The following SLC24A2 variants were observed in gnomAD, a reference collection of about 807,000 sequenced individuals.
The protein encoded by SLC24A2 is sodium/potassium/calcium exchanger 2.
SLC24A2 carries 36 observed loss-of-function variants against 62.0 expected under a neutral mutation model. The ratio of observed to expected loss-of-function variants is 0.58; its 90% CI spans 0.44 to 0.77. The LOEUF is 0.77. Among genes scored for constraint, SLC24A2 ranks in the 30% least tolerant of loss-of-function variants. The pLI is 0.00. For missense variants in SLC24A2, 846 were observed against 817.9 expected (o/e 1.03, Z -0.42); for synonymous variants, 358 against 294.0 (o/e 1.22, Z -2.23).
At chr9:20,137,070 G>C in the SLC24A2 span, among the ~76,000 whole-genome samples, 1 of 152,082 alleles carries the variant, frequency 6.6e-6, no homozygotes, top group Non-Finnish European at 1.5e-5. Context: ...TGGATGTGAG[G>C]CACATAGTAA....
At chr9:19,894,358 T>TC in the SLC24A2 span, among the ~76,000 whole-genome samples, 1 of 152,220 alleles carries the variant, frequency 6.6e-6, no homozygotes, top group Non-Finnish European at 1.5e-5. Flanking sequence ...CTTAGATATT[T>TC]CCTCGATTTT....
the SLC24A2 span, among the ~76,000 whole-genome samples, chr9:20,026,716 A>T: frequency 6.6e-5 from 10 of 152,210 alleles, no homozygotes; most frequent in Non-Finnish European, 1.2e-4. Flanking sequence ...TGAAACTATG[A>T]AACTATTAGA....
At chr9:19,652,997 C>A (rs973014491) in intron 2 of SLC24A2, among the ~76,000 whole-genome samples, 4 of 152,132 alleles carry the variant, frequency 2.6e-5, no homozygotes, top group African/African-American at 7.2e-5. Context: ...CAACCCTTCC[C>A]ATAGGGCATC....
the SLC24A2 span, among the ~76,000 whole-genome samples, chr9:19,810,757 A>C: frequency 6.6e-6 from 1 of 152,230 alleles, no homozygotes; most frequent in South Asian, 2.1e-4. Context: ...TTATCATAAT[A>C]ATTTTAAAAA....
chr9:19,797,793 T>C, the SLC24A2 span, among the ~76,000 whole-genome samples: 3 of 152,194 alleles, frequency 2.0e-5, no homozygotes, highest in South Asian at 2.1e-4. Context: ...CTACAGAGAA[T>C]CAACCTCCCC....
intron 4 of SLC24A2, among the ~76,000 whole-genome samples, chr9:19,606,199 T>G (rs1347451712): frequency 6.6e-6 from 1 of 152,162 alleles, no homozygotes; most frequent in Non-Finnish European, 1.5e-5. Context: ...TGGAAATGTG[T>G]TGCATGAAAA....
At chr9:19,525,227 A>AATATC (rs1192907627) in intron 9 of SLC24A2, among the ~76,000 whole-genome samples, 1 of 151,998 alleles carries the variant, frequency 6.6e-6, no homozygotes, top group Non-Finnish European at 1.5e-5. Flanking sequence ...AATAATATAA[A>AATATC]ATATCATGTA....
chr9:19,829,638 G>T, the SLC24A2 span, among the ~76,000 whole-genome samples: 1 of 151,736 alleles, frequency 6.6e-6, no homozygotes, highest in South Asian at 2.1e-4. Flanking sequence ...GGCTGTGGTG[G>T]GAAGATCACT....
At chr9:19,677,911 T>C (rs920359634) in intron 2 of SLC24A2, among the ~76,000 whole-genome samples, 1 of 151,734 alleles carries the variant, frequency 6.6e-6, no homozygotes, top group African/African-American at 2.4e-5. Context: ...ATATAAAATA[T>C]AAACACACAC....
intron 2 of SLC24A2, among the ~76,000 whole-genome samples, chr9:19,630,515 G>T (rs979300782): frequency 6.6e-6 from 1 of 152,002 alleles, no homozygotes; most frequent in Non-Finnish European, 1.5e-5. Flanking sequence ...ATTTTTATAC[G>T]TATAACTTTT....
At chr9:19,969,670 A>T in the SLC24A2 span, among the ~76,000 whole-genome samples, 3 of 152,214 alleles carry the variant, frequency 2.0e-5, no homozygotes, top group Non-Finnish European at 4.4e-5. Flanking sequence ...ACCAAGAAGC[A>T]AGGCGGTAGA....
At chr9:20,002,124 C>T in the SLC24A2 span, among the ~76,000 whole-genome samples, 1 of 152,112 alleles carries the variant, frequency 6.6e-6, no homozygotes, top group Admixed American at 6.5e-5. Context: ...GTTTTAGTAC[C>T]ACCACCTCTG....
chr9:20,162,165 G>A, the SLC24A2 span, among the ~76,000 whole-genome samples: 2 of 151,702 alleles, frequency 1.3e-5, no homozygotes, highest in Admixed American at 1.3e-4. Context: ...TGAGGCAGGA[G>A]TACTGCTTGA....
the SLC24A2 span, among the ~76,000 whole-genome samples, chr9:19,874,599 G>A: frequency 6.6e-6 from 1 of 152,148 alleles, no homozygotes; most frequent in Non-Finnish European, 1.5e-5. Context: ...TCATGTCAAT[G>A]TCTGAAAATG....
the SLC24A2 span, among the ~76,000 whole-genome samples, chr9:20,282,323 T>G: frequency 5.1e-4 from 77 of 152,112 alleles, no homozygotes; most frequent in Non-Finnish European, 7.4e-5. Context: ...AAACTCTTTT[T>G]CATTGATCTC....
intron 2 of SLC24A2, among the ~76,000 whole-genome samples, chr9:19,649,368 A>G (rs1288460060): frequency 6.6e-6 from 1 of 152,208 alleles, no homozygotes; most frequent in Non-Finnish European, 1.5e-5. Context: ...TGGGTATTAC[A>G]AAATTGAAAG....
chr9:19,966,128 G>A, the SLC24A2 span, among the ~76,000 whole-genome samples: 1 of 152,038 alleles, frequency 6.6e-6, no homozygotes, highest in Non-Finnish European at 1.5e-5. Flanking sequence ...CTAGAGCTCC[G>A]CATACAGCAG....
At chr9:20,185,655 A>G in the SLC24A2 span, among the ~76,000 whole-genome samples, 414 of 142,156 alleles carry the variant, frequency 2.9e-3, 1 homozygote, top group African/African-American at 0.01. Flanking sequence ...ACAGAGCGAG[A>G]CTCCATCTCA....
chr9:19,525,390 A>C (rs13297814), intron 9 of SLC24A2, among the ~76,000 whole-genome samples: 1 of 42,522 alleles, frequency 2.4e-5, no homozygotes. Flanking sequence ...CTATTTCTTT[A>C]CTTTTTTTTT....
Sources: gnomAD v4.1 joint callset for allele counts (sites outside exome capture counted in the v4.1 genomes callset) on GRCh38, gnomAD v4.1.1 for gene constraint, MANE v1.5 for transcripts, NCBI Gene and HGNC (gene_info 2026-07-23, HGNC 2026-07-21) for gene names.